Variants in CAMK1D observed in about 807,000 individuals in gnomAD.
CAMK1D encodes calcium/calmodulin dependent protein kinase ID.
In CAMK1D, 9 loss-of-function variants were observed where a neutral mutation model predicts 47.7. The observed-to-expected ratio is 0.19, with a 90% CI of 0.11 to 0.33. The LOEUF (loss-of-function observed/expected upper bound fraction) is 0.33, where lower values mean the gene tolerates loss of function less well. CAMK1D is among the 10% of genes least tolerant of loss of function. The pLI is 1.00. For missense variants in CAMK1D, 291 were observed against 488.7 expected, an observed-to-expected ratio of 0.60 and a Z score of 3.81; for synonymous variants, 184 against 184.9, an observed-to-expected ratio of 0.99 and a Z score of 0.04.
At chr10:12,705,326 T>C (rs1833689334) in intron 3 of CAMK1D, among the ~76,000 whole-genome samples, 2 of 151,998 alleles carry the variant, frequency 1.3e-5, no homozygotes. Flanking sequence ...CTGGGCGTGA[T>C]GGTGAACTCC....
chr10:12,457,370 G>C (rs949415184), intron 1 of CAMK1D, among the ~76,000 whole-genome samples: 2 of 149,744 alleles, frequency 1.3e-5, no homozygotes, highest in Non-Finnish European at 3.0e-5. Context: ...CAGCCTGGGT[G>C]ACAGAGCGAG....
intron 1 of CAMK1D, among the ~76,000 whole-genome samples, chr10:12,515,391 GTTTTCC>G (rs1375492710): frequency 1.6e-5 from 2 of 126,882 alleles, no homozygotes. Context: ...TTTGCCTATA[GTTTTCC>G]TTTTCTTTTT....
intron 2 of CAMK1D, among the ~76,000 whole-genome samples, chr10:12,563,257 A>G (rs1837000565): frequency 6.6e-6 from 1 of 152,164 alleles, no homozygotes; most frequent in Non-Finnish European, 1.5e-5. Context: ...TGGGAGGCTG[A>G]GGTGGGAAGA....
At chr10:12,816,666 C>T (rs185375639) in intron 8 of CAMK1D, among the ~76,000 whole-genome samples, 20 of 151,802 alleles carry the variant, frequency 1.3e-4, no homozygotes, top group Admixed American at 3.9e-4. Context: ...GTCAGGTGTT[C>T]GAGACCAGCC....
intron 1 of CAMK1D, among the ~76,000 whole-genome samples, chr10:12,505,126 T>C (rs1410799103): frequency 6.6e-6 from 1 of 152,220 alleles, no homozygotes; most frequent in African/African-American, 2.4e-5. Flanking sequence ...TGAGCATTGT[T>C]AACCCCATCC....
At position 12,700,942 on chromosome 10, in the gene CAMK1D, C is replaced by T. The variant is rs114380139; in HGVS notation, c.299+34132C>T. On this transcript the variant is annotated intron_variant, in intron 3 of 10. Coordinates refer to ENST00000619168, the MANE Select transcript of CAMK1D (RefSeq NM_153498.4). ...GTTCTTAACTAAATATCTTTCTCCA[C>T]GTATGTATAAAGCATAAAATTTTCT... Among the ~76,000 whole-genome samples, 834 of 152,260 alleles carry T rather than the reference C, an allele frequency of 5.5e-3. 13 individuals are homozygous for T. Among genetic ancestry groups the T allele is most frequent in the African/African-American group, 0.019 (784 of 41,534 alleles).
At chr10:12,547,410 T>C (rs1285677946) in intron 1 of CAMK1D, among the ~76,000 whole-genome samples, 3 of 152,182 alleles carry the variant, frequency 2.0e-5, no homozygotes, top group Admixed American at 2.0e-4. Context: ...GTTGCCAATA[T>C]GATTCAGTCT....
intron 3 of CAMK1D, among the ~76,000 whole-genome samples, chr10:12,713,709 A>G (rs968946771): frequency 6.6e-6 from 1 of 152,154 alleles, no homozygotes; most frequent in Non-Finnish European, 1.5e-5. Context: ...GTGGCCATGG[A>G]AGCAGGGCCC....
At chr10:12,744,211 A>G (rs923573569) in intron 3 of CAMK1D, among the ~76,000 whole-genome samples, 1 of 152,014 alleles carries the variant, frequency 6.6e-6, no homozygotes, top group Non-Finnish European at 1.5e-5. Context: ...ATGTAAATAT[A>G]TTTTGTTTTT....
intron 5 of CAMK1D, among the ~76,000 whole-genome samples, chr10:12,785,369 A>T (rs1017746513): frequency 2.0e-5 from 3 of 152,188 alleles, no homozygotes; most frequent in Non-Finnish European, 4.4e-5. Context: ...TGTCTTTGTT[A>T]GTAGCTCCAA....
intron 2 of CAMK1D, among the ~76,000 whole-genome samples, chr10:12,603,932 GT>G (rs1838376899): frequency 6.6e-6 from 1 of 152,136 alleles, no homozygotes; most frequent in South Asian, 2.1e-4. Flanking sequence ...GTCTCTGGGA[GT>G]TTGCAGCACC....
chr10:12,353,660 A>G (rs1379743614), intron 1 of CAMK1D, among the ~76,000 whole-genome samples: 3 of 152,190 alleles, frequency 2.0e-5, no homozygotes, highest in Non-Finnish European at 4.4e-5. Context: ...CCTCTGAGTC[A>G]GGTCTCAGGG....
At chr10:12,531,993 G>A (rs749938633) in intron 1 of CAMK1D, among the ~76,000 whole-genome samples, 5 of 152,142 alleles carry the variant, frequency 3.3e-5, no homozygotes, top group Non-Finnish European at 7.3e-5. Flanking sequence ...TCCCTTACCC[G>A]GCTCTTCCCA....
In CAMK1D at chr10:12,727,763, C is replaced by T. The variant is rs560706693; in HGVS notation, c.300-33185C>T. Among the ~76,000 whole-genome samples the T allele has an allele frequency of 3.5e-5, 4 of 114,652 alleles. No homozygotes were observed. In the South Asian group the frequency reaches 1.2e-3, roughly 35 times the overall value. The allele number at this position is 114,652 out of a possible 152,430, so 75.2% of individuals were successfully genotyped here. On this transcript the variant is annotated intron_variant, in intron 3 of 10. Transcript: ENST00000619168. The stretch of plus-strand genomic sequence containing the variant: ...ATGTGTCAGGCTTCTAAATTAATCA[C>T]AGCCTTTTTTTTTTTTTTGAGACTG...
At chr10:12,632,777 C>T (rs1839417714) in intron 2 of CAMK1D, among the ~76,000 whole-genome samples, 1 of 152,090 alleles carries the variant, frequency 6.6e-6, no homozygotes, top group Non-Finnish European at 1.5e-5. Flanking sequence ...TCCCTGCAAC[C>T]TCCAACTCCC....
At chr10:12,457,828 G>A (rs1030453005) in intron 1 of CAMK1D, among the ~76,000 whole-genome samples, 1 of 149,814 alleles carries the variant, frequency 6.7e-6, no homozygotes, top group Non-Finnish European at 1.5e-5. Flanking sequence ...ACATATGTAT[G>A]TGAATTTACT....
At chr10:12,385,147 G>C (rs1490159983) in intron 1 of CAMK1D, among the ~76,000 whole-genome samples, 1 of 152,204 alleles carries the variant, frequency 6.6e-6, no homozygotes, top group Non-Finnish European at 1.5e-5. Flanking sequence ...TTCCTAGGCT[G>C]CTGGTGTGGA....
chr10:12,662,084 C>G (rs1840289365), intron 2 of CAMK1D, among the ~76,000 whole-genome samples: 1 of 152,186 alleles, frequency 6.6e-6, no homozygotes, highest in Non-Finnish European at 1.5e-5. Flanking sequence ...TCATGGTTAT[C>G]TTGATGCGGG....
intron 3 of CAMK1D, among the ~76,000 whole-genome samples, chr10:12,741,638 T>G (rs1326866702): frequency 0.033 from 1 of 30 alleles, no homozygotes; most frequent in African/African-American, 0.042. Flanking sequence ...CAGGAGCCTC[T>G]TGTCTTAGGT....
Sources: allele counts gnomAD v4.1 joint callset (sites outside exome capture counted in the v4.1 genomes callset), GRCh38; gene constraint gnomAD v4.1.1; transcripts MANE v1.5; gene names NCBI Gene and HGNC (gene_info 2026-07-23, HGNC 2026-07-21).